The following CDYL variants were observed in gnomAD, a reference collection of about 807,000 sequenced individuals.
The protein encoded by CDYL is chromodomain Y-like protein.
In CDYL, 8 loss-of-function variants were observed where a neutral mutation model predicts 47.3. The observed-to-expected ratio is 0.17, with a 90% confidence interval of 0.10 to 0.31. The LOEUF (loss-of-function observed/expected upper bound fraction) is 0.31, where lower values mean the gene tolerates loss of function less well. Among genes scored for constraint, CDYL ranks in the 10% least tolerant of loss-of-function variants. The pLI, the probability that CDYL is intolerant of heterozygous loss-of-function variation, is 1.00. For missense variants in CDYL, 471 were observed against 701.4 expected, an observed-to-expected ratio of 0.67 and a Z score of 3.71; for synonymous variants, 266 against 265.0, an observed-to-expected ratio of 1.00 and a Z score of -0.04.
rs35627666 is a variant in CDYL, at chr6:4,760,372, C to CAAA, written c.186+25542_186+25544dup. On this transcript the variant is annotated intron_variant, in intron 3 of 8. Transcript: ENST00000328908. Reference sequence around the variant, plus strand: ...ATACCCAAGGAATAGCACAGCAATACAAAAAAAAAAAAAAAATGATGACCC... The same window carrying CAAA: ...ATACCCAAGGAATAGCACAGCAATACAAAAAAAAAAAAAAAAAAATGATGACCC... 3.4e-3 allele frequency among the ~76,000 whole-genome samples: 350 copies of CAAA among 103,586 alleles called. 4 individuals are homozygous for CAAA. The highest frequency in any genetic ancestry group is 0.015 in the Middle Eastern group (3 of 204). 68.0% of individuals were successfully genotyped at this position (103,586 alleles called of 152,430 possible). A position where few individuals can be genotyped will look rare whatever the true frequency, so the allele number is the denominator to read the frequency against.
At chr6:4,947,454 T>A (rs955654117) in intron 5 of CDYL, among the ~76,000 whole-genome samples, 4 of 152,180 alleles carry the variant, frequency 2.6e-5, no homozygotes, top group Non-Finnish European at 5.9e-5. Context: ...GTCCAGGGGC[T>A]AAGGCCAAGT....
chr6:4,846,256 A>T (rs1760653695), intron 1 of CDYL, among the ~76,000 whole-genome samples: 2 of 151,778 alleles, frequency 1.3e-5, no homozygotes, highest in African/African-American at 4.8e-5. Flanking sequence ...CACTGATAGC[A>T]CCCCAACCCC....
intron 1 of CDYL, among the ~76,000 whole-genome samples, chr6:4,830,444 T>G (rs1760103938): frequency 6.6e-6 from 1 of 152,192 alleles, no homozygotes; most frequent in South Asian, 2.1e-4. Context: ...CCCCATTGTG[T>G]CTGTGGTCAC....
At chr6:4,796,051 C>T (rs1759063469) in intron 1 of CDYL, among the ~76,000 whole-genome samples, 1 of 152,086 alleles carries the variant, frequency 6.6e-6, no homozygotes, top group Non-Finnish European at 1.5e-5. Context: ...CCTCTGCCTC[C>T]CAGGTTCAAG....
At chr6:4,842,249 TAAA>T (rs999835981) in intron 1 of CDYL, among the ~76,000 whole-genome samples, 2 of 145,296 alleles carry the variant, frequency 1.4e-5, no homozygotes, top group Non-Finnish European at 3.0e-5. Flanking sequence ...TTAATATAAA[TAAA>T]AATAAATATT....
chr6:4,931,418 A>G (rs990211882), intron 2 of CDYL, among the ~76,000 whole-genome samples: 7 of 152,222 alleles, frequency 4.6e-5, no homozygotes, highest in African/African-American at 1.7e-4. Flanking sequence ...TGCCGTCCAG[A>G]TGAGCAGAAG....
intron 2 of CDYL, among the ~76,000 whole-genome samples, chr6:4,725,727 C>T (rs924558048): frequency 2.6e-5 from 4 of 152,248 alleles, no homozygotes; most frequent in Admixed American, 6.5e-5. Flanking sequence ...CAGCTCCAGC[C>T]TTGGCCAGCC....
chr6:4,710,381 G>GAAGGAAGGAAGGAAGGAAGGAAGGAAGA (rs1757129680), intron 1 of CDYL, among the ~76,000 whole-genome samples: 1 of 145,884 alleles, frequency 6.9e-6, no homozygotes, highest in Non-Finnish European at 1.5e-5. Context: ...GGGAGGGAGG[G>GAAGGAAGGAAGGAAGGAAGGAAGGAAGA]AAGGAAGGAA....
intron 2 of CDYL, among the ~76,000 whole-genome samples, chr6:4,934,347 A>G (rs1368072145): frequency 6.6e-6 from 1 of 152,216 alleles, no homozygotes; most frequent in Non-Finnish European, 1.5e-5. Context: ...TAATTAAAAA[A>G]AAACCTCTAG....
intron 1 of CDYL, among the ~76,000 whole-genome samples, chr6:4,880,641 C>G (rs374494893): frequency 3.4e-4 from 52 of 152,344 alleles, no homozygotes; most frequent in Middle Eastern, 3.4e-3. Flanking sequence ...GTGCCATTTG[C>G]TTTCCATCCA....
intron 1 of CDYL, among the ~76,000 whole-genome samples, chr6:4,830,824 A>T (rs7772813): frequency 1.4e-5 from 2 of 144,922 alleles, no homozygotes; most frequent in East Asian, 4.1e-4. Context: ...TCATTGTTCA[A>T]TTCCCACCTA....
At chr6:4,713,525 G>T (rs879768313) in intron 1 of CDYL, among the ~76,000 whole-genome samples, 11 of 151,922 alleles carry the variant, frequency 7.2e-5, no homozygotes, top group African/African-American at 2.7e-4. Flanking sequence ...CAATCAAGCA[G>T]GTATTTCAGT....
chr6:4,848,818 GCCTGGTGGGACA>G (rs771499368), intron 1 of CDYL, among the ~76,000 whole-genome samples: 97 of 152,360 alleles, frequency 6.4e-4, no homozygotes, highest in Non-Finnish European at 1.1e-3. Context: ...TCTCTGTGAA[GCCTGGTGGGACA>G]CCTGCTGGCC....
At chr6:4,905,706 C>T (rs1757215045) in intron 2 of CDYL, among the ~76,000 whole-genome samples, 1 of 152,340 alleles carries the variant, frequency 6.6e-6, no homozygotes, top group Non-Finnish European at 1.5e-5. Context: ...ATGCTGCACG[C>T]CTCTTATGTC....
intron 2 of CDYL, among the ~76,000 whole-genome samples, chr6:4,935,062 G>A (rs1640402043): frequency 6.6e-6 from 1 of 152,224 alleles, no homozygotes; most frequent in Non-Finnish European, 1.5e-5. Flanking sequence ...AAGGCTGGCT[G>A]CATCCACGTG....
chr6:4,899,320 A>G (rs921502665), intron 2 of CDYL, among the ~76,000 whole-genome samples: 8 of 152,256 alleles, frequency 5.3e-5, no homozygotes, highest in Non-Finnish European at 1.2e-4. Context: ...AGAAAAGGAC[A>G]TATACATTTA....
chr6:4,890,958 T>C (rs1762025502), intron 1 of CDYL, among the ~76,000 whole-genome samples: 1 of 152,256 alleles, frequency 6.6e-6, no homozygotes, highest in Non-Finnish European at 1.5e-5. Context: ...AAGATCTCTC[T>C]TCCATTTACG....
At chr6:4,709,088 C>G (rs1757101898) in intron 1 of CDYL, among the ~76,000 whole-genome samples, 1 of 152,106 alleles carries the variant, frequency 6.6e-6, no homozygotes, top group Admixed American at 6.6e-5. Flanking sequence ...ACCTTTCTAA[C>G]CTTTTCTGGC....
At chr6:4,777,852 T>C (rs1758512602) in intron 1 of CDYL, among the ~76,000 whole-genome samples, 1 of 152,222 alleles carries the variant, frequency 6.6e-6, no homozygotes, top group Non-Finnish European at 1.5e-5. Context: ...AGCAACTTTT[T>C]TGTTGCTTTT....
Sources: allele counts gnomAD v4.1 joint callset (sites outside exome capture counted in the v4.1 genomes callset), GRCh38; gene constraint gnomAD v4.1.1; transcripts MANE v1.5; gene names NCBI Gene and HGNC (gene_info 2026-07-23, HGNC 2026-07-21).